Variants in SSUH2 observed in about 807,000 individuals in gnomAD.
SSUH2 encodes the protein ssu-2 homolog.
In SSUH2, 47 loss-of-function variants were observed where a neutral mutation model predicts 55.3. That is an observed-to-expected ratio of 0.85 (90% confidence interval 0.67 to 1.08). The LOEUF is 1.08. Among genes scored for constraint, SSUH2 ranks in the 50% least tolerant of loss-of-function variants. The probability of loss-of-function intolerance (pLI) is 0.00; values close to 1 mark genes in which losing one functional copy is unlikely to be tolerated. For synonymous variants in SSUH2, 212 were observed against 191.5 expected (o/e 1.11, Z -0.89); for missense variants, 535 against 490.7 (o/e 1.09, Z -0.85).
intron 2 of SSUH2, among the ~76,000 whole-genome samples, chr3:8,678,304 AG>A (rs1321127220): frequency 3.3e-5 from 5 of 152,034 alleles, no homozygotes; most frequent in African/African-American, 7.3e-5. Flanking sequence ...AGAATATCAC[AG>A]GGTGGGTGTA....
intron 2 of SSUH2, among the ~76,000 whole-genome samples, chr3:8,678,577 A>AGG (rs1705626510): frequency 4.9e-5 from 4 of 82,254 alleles, no homozygotes; most frequent in African/African-American, 1.9e-4. Flanking sequence ...AGAGGGGGGA[A>AGG]CACCCCCCGC....
At position 8,623,629 on chromosome 3, in the gene SSUH2, G is replaced by C. The variant is rs1462439855; in HGVS notation, c.901C>G (p.Arg301Gly). 12 of 1,540,620 alleles carry C rather than the reference G, an allele frequency of 7.8e-6. No homozygotes were observed. Among genetic ancestry groups the C allele is most frequent in the South Asian group, 1.2e-5 (1 of 83,534 alleles). ...CTCTGGGAGGCAAGAGAGATGTCTCGCAGAGGGAAGTCCACGATGGGGTAC... is the reference window on the plus strand; with the variant it reads ...CTCTGGGAGGCAAGAGAGATGTCTCCCAGAGGGAAGTCCACGATGGGGTAC... Reference protein sequence around the residue: ...VVYPIVDFPLRDISLASQRGI... With the variant: ...VVYPIVDFPLGDISLASQRGI... Residue 301 changes from arginine (R) to glycine (G), a missense_variant, in exon 11 of 12, where the codon CGA becomes GGA. Coordinates refer to ENST00000544814, the MANE Select transcript of SSUH2 (RefSeq NM_001256748.3).
upstream of SSUH2, chr3:8,644,799 G>A (rs1481017886): frequency 1.1e-5 from 17 of 1,532,816 alleles, no homozygotes; most frequent in East Asian, 2.4e-5. Flanking sequence ...CCCTTCGAGT[G>A]TGCTTGGACC....
chr3:8,644,697 C>A, intron 1 of SSUH2, 34 bp downstream of exon 1: 1 of 1,531,322 alleles, frequency 6.5e-7, no homozygotes, highest in Non-Finnish European at 8.8e-7. Flanking sequence ...TATCTCCACA[C>A]AGTCTTCCGT....
Position 8,635,874 on chromosome 3 carries a change from ATTCCTAAGCC to A in SSUH2, c.29-27_29-18del. ...CCACCACACCTGCAGAAAGACAAGCATTCCTAAGCCTTGGGTAGGGAGGCGAGGGCTGATG... is the reference window on the plus strand; with the variant it reads ...CCACCACACCTGCAGAAAGACAAGCATTGGGTAGGGAGGCGAGGGCTGATG... On this transcript the variant is annotated intron_variant, in intron 1 of 11. Transcript: ENST00000544814. 6.5e-7 allele frequency: 1 copy of A among 1,534,982 alleles called. No individual in the cohort carries two copies.
At chr3:8,670,822 C>T (rs937855664) in intron 5 of SSUH2, among the ~76,000 whole-genome samples, 1 of 151,998 alleles carries the variant, frequency 6.6e-6, no homozygotes, top group African/African-American at 2.4e-5. Flanking sequence ...ACAATAGTAG[C>T]AACATTCCCC....
At chr3:8,643,125 A>C (rs1476682768) in intron 1 of SSUH2, among the ~76,000 whole-genome samples, 1 of 152,164 alleles carries the variant, frequency 6.6e-6, no homozygotes, top group Non-Finnish European at 1.5e-5. Flanking sequence ...AGTTCTGGGG[A>C]CCTGATCATT....
rs752600383 is a variant in SSUH2, at chr3:8,679,368, C to T, written c.-901+337G>A. Among the ~76,000 whole-genome samples, 30 of 73,134 alleles carry T rather than the reference C, an allele frequency of 4.1e-4. 4 individuals are homozygous for T. The highest frequency in any genetic ancestry group is 1.1e-3 in the African/African-American group (26 of 23,798). 48.0% of individuals were successfully genotyped at this position (73,134 alleles called of 152,430 possible). On this transcript the variant is annotated intron_variant, in intron 2 of 18. Coordinates refer to the SSUH2 transcript ENST00000317371. The stretch of plus-strand genomic sequence containing the variant: ...GCTCTTCCGACCCCCATCGCATTGG[C>T]GGGAGGCATCCCCCAGGAGGAGGGG...
chr3:8,673,420 G>A (rs1284137753), intron 3 of SSUH2, among the ~76,000 whole-genome samples: 5 of 152,060 alleles, frequency 3.3e-5, no homozygotes, highest in Non-Finnish European at 5.9e-5. Flanking sequence ...AGAGACCAGC[G>A]GTATACTGGG....
chr3:8,661,874 G>A (rs962585419), intron 6 of SSUH2, among the ~76,000 whole-genome samples: 9 of 152,184 alleles, frequency 5.9e-5, no homozygotes, highest in African/African-American at 1.9e-4. Flanking sequence ...GGAGATAATT[G>A]AATCATGGGG....
chr3:8,631,958 G>T, intron 5 of SSUH2, 91 bp downstream of exon 5: 2 of 1,006,332 alleles, frequency 2.0e-6, no homozygotes, highest in Non-Finnish European at 3.2e-6. Flanking sequence ...CATCTTATTT[G>T]AGATGAGTGC....
intron 3 of SSUH2, among the ~76,000 whole-genome samples, chr3:8,634,930 T>C (rs2125200346): frequency 6.6e-6 from 1 of 152,328 alleles, no homozygotes. Context: ...GTAGCCCACA[T>C]AGTCTCTGTC....
At chr3:8,631,688 C>T (rs1280950195) in intron 5 of SSUH2, among the ~76,000 whole-genome samples, 1 of 151,870 alleles carries the variant, frequency 6.6e-6, no homozygotes, top group Admixed American at 6.6e-5. Context: ...GAATGGGGAG[C>T]ACAGGGGCCT....
At chr3:8,676,344 A>G (rs1056109916) in intron 3 of SSUH2, among the ~76,000 whole-genome samples, 17 of 151,790 alleles carry the variant, frequency 1.1e-4, no homozygotes, top group Admixed American at 5.9e-4. Context: ...CTCCTCTCCC[A>G]CGTTGCAATT....
At chr3:8,644,222 C>T (rs72624403) in intron 1 of SSUH2, among the ~76,000 whole-genome samples, 16,605 of 152,124 alleles carry the variant, frequency 0.11, 948 homozygotes, top group East Asian at 0.19. Context: ...AGAAAGATCA[C>T]GAGTGAAGCC....
intron 1 of SSUH2, among the ~76,000 whole-genome samples, chr3:8,641,279 C>A (rs556438891): frequency 6.6e-6 from 1 of 152,286 alleles, no homozygotes; most frequent in African/African-American, 2.4e-5. Flanking sequence ...CTTGGAGTAC[C>A]CCAAAGGTAG....
chr3:8,644,851 G>A, upstream of SSUH2: 1 of 1,062,832 alleles, frequency 9.4e-7, no homozygotes, highest in African/African-American at 1.6e-5. Flanking sequence ...TCCCAGAACA[G>A]CAGGCCCATT....
intron 3 of SSUH2, chr3:8,634,051 A>T: frequency 8.6e-7 from 1 of 1,157,034 alleles, no homozygotes; most frequent in Non-Finnish European, 1.2e-6. Flanking sequence ...AGAAAAGCTG[A>T]TAGAATCCTG....
intron 9 of SSUH2, 42 bp from the exon 10 acceptor site, chr3:8,625,689 C>T (rs776217221): frequency 2.1e-6 from 3 of 1,418,680 alleles, no homozygotes; most frequent in East Asian, 4.6e-5. Flanking sequence ...CACAGTGTGG[C>T]AGGTTAAAAG....
Sources: gnomAD v4.1 joint callset for allele counts (sites outside exome capture counted in the v4.1 genomes callset) on GRCh38, gnomAD v4.1.1 for gene constraint, MANE v1.5 for transcripts, NCBI Gene and HGNC (gene_info 2026-07-23, HGNC 2026-07-21) for gene names.